Variants in TTN observed in about 807,000 individuals in gnomAD.
The protein encoded by TTN is titin.
In TTN, 1,525 loss-of-function variants were observed where a neutral mutation model predicts 3,223.0. The observed-to-expected ratio is 0.47, with a 90% confidence interval of 0.45 to 0.49. The LOEUF (loss-of-function observed/expected upper bound fraction) is 0.49, where lower values mean the gene tolerates loss of function less well. Ranked by LOEUF, TTN falls within the 20% of genes least tolerant of loss-of-function variation. The probability of loss-of-function intolerance (pLI) is 0.00; values close to 1 mark genes in which losing one functional copy is unlikely to be tolerated. For missense variants in TTN, 40,786 were observed against 43,424.0 expected (o/e 0.94, Z 5.40); for synonymous variants, 14,094 against 15,161.0 (o/e 0.93, Z 5.17).
chr2:178,670,385 C>T (rs977830744), intron 156 of TTN, 90 bp from the exon 157 acceptor site: 1 of 613,808 alleles, frequency 1.6e-6, no homozygotes, highest in African/African-American at 1.9e-5. Flanking sequence ...CAGAACAGAA[C>T]ACAGCAACAA....
At position 178,649,873 on chromosome 2, in the gene TTN, A is replaced by T; in HGVS notation, c.39839T>A (p.Ile13280Asn). Residue 13280 changes from isoleucine (I) to asparagine (N), a missense_variant, in exon 211 of 363, where the codon ATC (isoleucine) becomes AAC (asparagine). By Grantham distance (149) the Ile-to-Asn change is moderately radical (BLOSUM62 -3). Transcript: ENST00000589042. ...GACAGGAACTTTCTTCTCTGGGATGATCTTCTTGGGCTCTTCAGGCACTTG... is the reference window on the plus strand; with the variant it reads ...GACAGGAACTTTCTTCTCTGGGATGTTCTTCTTGGGCTCTTCAGGCACTTG... Reference protein sequence around the residue: ...PPAVPEEPKKIIPEKKVPVIK... With the variant: ...PPAVPEEPKKNIPEKKVPVIK... 6.2e-7 allele frequency: 1 copy of T among 1,612,362 alleles called. No homozygotes were observed. The highest frequency in any genetic ancestry group is 8.5e-7 in the Non-Finnish European group (1 of 1,179,388).
chr2:178,559,823 GCAC>G lies in TTN; in HGVS notation c.86306_86308del (p.Gly28769del). On this transcript the variant is annotated inframe_deletion, in exon 326 of 363. Transcript: ENST00000589042. ...GAAAGGCACAGTCATGGTAAATGAG[GCAC>G]CAGCCTTGACAATCAAGGTCTTCCT... 1 of 1,610,398 alleles carries G rather than the reference GCAC, an allele frequency of 6.2e-7. No homozygotes were observed. The highest frequency in any genetic ancestry group is 8.5e-7 in the Non-Finnish European group (1 of 1,179,538).
At chr2:178,749,128 A>G in intron 47 of TTN, 1 of 1,612,804 alleles carries the variant, frequency 6.2e-7, no homozygotes, top group South Asian at 1.1e-5. Context: ...AAATTCTCTC[A>G]GAGTGAATAT....
Position 178,550,290 on chromosome 2 carries a change from A to G in TTN, c.91565-17T>C, listed in dbSNP as rs1274742177. 1.3e-6 allele frequency: 2 copies of G among 1,592,358 alleles called. No individual in the cohort carries two copies. Among genetic ancestry groups the G allele is most frequent in the South Asian group, 2.3e-5 (2 of 88,628 alleles). ...TTGGTGGAACTATAAAAGAAAGAGA[A>G]ATACTATGTATTAGTTTGGCTTAAT... On this transcript the variant is annotated splice_polypyrimidine_tract_variant and intron_variant, in intron 336 of 362. Coordinates refer to ENST00000589042, the MANE Select transcript of TTN (RefSeq NM_001267550.2).
In TTN at chr2:178,533,290, G is replaced by A. The variant is rs745548644; in HGVS notation, c.103325C>T (p.Ala34442Val). The A allele has an allele frequency of 9.9e-6, 16 of 1,613,954 alleles. No homozygotes were observed. The South Asian group carries it at 1.8e-4, about 18-fold the overall frequency. The change falls in exon 358 of 363, where the codon GCT becomes GTT. Residue 34442 changes from alanine to valine, a missense_variant. Ala to Val is a moderately conservative substitution (Grantham distance 64). Transcript: ENST00000589042. ...GTGAGCCTGGCAGCTGGTGGACCCA[G>A]CTGTGTTAGTGGCTGTGACTCTATA... is the stretch of plus-strand genomic sequence containing the variant. ...GYYRVTATNT[A>V]GSTSCQAHLQ...
intron 47 of TTN, chr2:178,751,768 G>A: frequency 6.2e-7 from 1 of 1,613,118 alleles, no homozygotes; most frequent in Non-Finnish European, 8.5e-7. Flanking sequence ...GACCTGTTGG[G>A]ATGGGCCGAT....
chr2:178,583,511 C>T, intron 312 of TTN, 96 bp downstream of exon 312: 8 of 1,268,802 alleles, frequency 6.3e-6, no homozygotes, highest in South Asian at 1.9e-5. Flanking sequence ...TTTAATTTTC[C>T]TTTTTTCCTT....
chr2:178,591,458 C>CT lies in TTN; in HGVS notation c.60266_60267insA (p.Val20090GlyfsTer29). ...ATCTGACTGTGGTTCCAGCCTTTAC[C>CT]ACAAGACCTTCAATTAATTTCACAT... On this transcript the variant is annotated frameshift_variant, in exon 304 of 363. Transcript: ENST00000589042. LOFTEE classifies it high-confidence loss of function. The CT allele has an allele frequency of 6.3e-7, 1 of 1,590,308 alleles. No homozygotes were observed. The highest frequency in any genetic ancestry group is 8.5e-7 in the Non-Finnish European group (1 of 1,171,602).
chr2:178,799,417 G>C (rs1417744893), intron 6 of TTN, 70 bp downstream of exon 6: 1 of 1,610,248 alleles, frequency 6.2e-7, no homozygotes, highest in African/African-American at 1.3e-5. Context: ...AGGGGGACAA[G>C]GGAATCTTTC....
At position 178,528,742 on chromosome 2, in the gene TTN, C is replaced by G. The variant is rs534961012; in HGVS notation, c.107009G>C (p.Arg35670Thr). Reference protein sequence around the residue: ...QTLTIKQASHRDEGILTCISK... With the variant: ...QTLTIKQASHTDEGILTCISK... ...TATGCAGGTGAGGATTCCTTCATCT[C>G]TGTGACTGGCTTGCTTGATGGTTAG... is the stretch of plus-strand genomic sequence containing the variant. Residue 35670 changes from arginine (R) to threonine (T), a missense_variant, in exon 360 of 363, where the codon AGA becomes ACA. Arg to Thr is a moderately conservative substitution (Grantham distance 71). Coordinates refer to ENST00000589042, the MANE Select transcript of TTN (RefSeq NM_001267550.2). 54 of 1,613,252 alleles carry G rather than the reference C, an allele frequency of 3.3e-5. 2 individuals carry two copies. The African/African-American group carries it at 5.1e-4, about 15-fold the overall frequency.
chr2:178,695,162 A>G (rs2073408075), intron 115 of TTN, among the ~76,000 whole-genome samples, 186 bp downstream of exon 115: 1 of 151,752 alleles, frequency 6.6e-6, no homozygotes, highest in Non-Finnish European at 1.5e-5. Flanking sequence ...TACAATTTTT[A>G]TCATCTTTTG....
In TTN at chr2:178,530,449, A is replaced by G; in HGVS notation, c.106166T>C (p.Ile35389Thr). ...FKSIHEKVSK[I>T]SETKKSDQKT... ...CTGATCTGATTTCTTAGTTTCTGAT[A>G]TTTTTGATACCTTCTCATGGATACT... The change falls in exon 358 of 363, where the codon ATA becomes ACA. Residue 35389 changes from isoleucine (I) to threonine (T), a missense_variant. By Grantham distance (89) the Ile-to-Thr change is moderately conservative. Transcript: ENST00000589042. 1.9e-6 allele frequency: 3 copies of G among 1,613,964 alleles called. No homozygotes were observed. Among genetic ancestry groups the G allele is most frequent in the Non-Finnish European group, 2.5e-6 (3 of 1,179,872 alleles).
Position 178,713,191 on chromosome 2 carries a change from A to G in TTN, c.26943T>C (p.Cys8981=). The G allele has an allele frequency of 6.2e-7, 1 of 1,613,776 alleles. No individual in the cohort carries two copies. Among genetic ancestry groups the G allele is most frequent in the South Asian group, 1.1e-5 (1 of 91,072 alleles). ...CTTCCAGCATGTTCACAGTTAAAGC[A>G]CAAGTATTATCTGTCAGGGTGGTCT... ...KYQTTLTDNT[C]ALTVNMLEES... is the part of the protein sequence containing the mutation. The change falls in exon 93 of 363, where the codon TGT becomes TGC. Residue 8981 remains cysteine (C), a synonymous_variant. Transcript: ENST00000589042.
rs776393529 is a variant in TTN, at chr2:178,533,689, A to G, written c.102926T>C (p.Phe34309Ser). ...TTGGTAAAGACCCTTGTCTGACTCA[A>G]ATGTGTACTTCTTGTCATTGTCACC... Reference protein sequence around the residue: ...KPGDNDKKYTFESDKGLYQLT... With the variant: ...KPGDNDKKYTSESDKGLYQLT... Residue 34309 changes from phenylalanine (F) to serine (S), a missense_variant, in exon 358 of 363, where the codon TTT becomes TCT. Physicochemically the swap from Phe to Ser is radical, Grantham distance 155. Transcript: ENST00000589042. 5 of 1,613,758 alleles carry G rather than the reference A, an allele frequency of 3.1e-6. No individual in the cohort carries two copies. In the African/African-American group the frequency reaches 6.7e-5, roughly 22 times the overall value.
chr2:178,664,346 T>C, intron 168 of TTN, 114 bp downstream of exon 168: 2 of 892,800 alleles, frequency 2.2e-6, no homozygotes, highest in Non-Finnish European at 1.8e-6. Context: ...GTTGCAAGAG[T>C]CAACACAGAC....
rs66733621 is a variant in TTN at position 178,799,323 on chromosome 2, A to G, written c.914+164T>C. 0.24 allele frequency: 260,622 copies of G among 1,082,920 alleles called. 36,777 individuals carry two copies. Among genetic ancestry groups the G allele is most frequent in the Non-Finnish European group, 0.29 (216,832 of 754,726 alleles). The allele number at this position is 1,082,920 out of a possible 1,614,324, so 67.1% of individuals were successfully genotyped here. A position where few individuals can be genotyped will look rare whatever the true frequency, so the allele number is the denominator to read the frequency against. ...GTCCAGAGGAACACGGAGCCCCACA[A>G]CCTGCCCGTTTGTATGCTCCCCTAG... On this transcript the variant is annotated intron_variant, in intron 6 of 362. Transcript: ENST00000589042.
At position 178,681,399 on chromosome 2, in the gene TTN, T is replaced by G. The variant is rs879147953; in HGVS notation, c.33224A>C (p.Lys11075Thr). 1.9e-6 allele frequency: 3 copies of G among 1,612,440 alleles called. No homozygotes were observed. The highest frequency in any genetic ancestry group is 2.5e-6 in the Non-Finnish European group (3 of 1,179,078). The part of the protein sequence containing the change: ...EEKVPVPIPK[K>T]LKPPPPKVPE... ...ACCTTTGGGTGGTGGAGGTTTGAGTTTCTTAGGAATGGGCACTGGTACTTT... is the reference window on the plus strand; with the variant it reads ...ACCTTTGGGTGGTGGAGGTTTGAGTGTCTTAGGAATGGGCACTGGTACTTT... Residue 11075 changes from lysine to threonine, a missense_variant, in exon 137 of 363, where the codon AAA becomes ACA. Coordinates refer to ENST00000589042, the MANE Select transcript of TTN (RefSeq NM_001267550.2).
rs1176986627 is a variant in TTN, at chr2:178,645,031, C to CT, written c.40409-416dup. ...GGGCAAGAATCACCAGCAGCAATGTCTTATGCTGGAAGACTGTGGTTTGAA... is the reference window on the plus strand; with the variant it reads ...GGGCAAGAATCACCAGCAGCAATGTCTTTATGCTGGAAGACTGTGGTTTGAA... On this transcript the variant is annotated intron_variant, in intron 217 of 362. Transcript: ENST00000589042. 25 of 167,230 alleles carry CT rather than the reference C, an allele frequency of 1.5e-4. 1 individual carries two copies. In the South Asian group the frequency reaches 3.1e-3, roughly 21 times the overall value. The allele number at this position is 167,230 out of a possible 1,614,324, so 10.4% of individuals were successfully genotyped here.
chr2:178,776,443 A>G lies in TTN; in HGVS notation c.5421T>C (p.Pro1807=), dbSNP rs779689706. The G allele has an allele frequency of 1.9e-6, 3 of 1,609,246 alleles. No homozygotes were observed. Among genetic ancestry groups the G allele is most frequent in the Non-Finnish European group, 2.5e-6 (3 of 1,179,960 alleles). Residue 1807 remains proline (P), a synonymous_variant, in exon 28 of 363, where the codon CCT becomes CCC. Transcript: ENST00000589042. ...TTCTCTGTAAGCCTTTCCTCCCCTC[A>G]GGCAATTGGGATTCTTCCACAAGAC... is the stretch of plus-strand genomic sequence containing the variant. The part of the protein sequence containing the change: ...EKSLVEESQL[P]EGRKGLQRIE...
Sources: gnomAD v4.1 joint callset for allele counts (sites outside exome capture counted in the v4.1 genomes callset) on GRCh38, gnomAD v4.1.1 for gene constraint, MANE v1.5 for transcripts, NCBI Gene and HGNC (gene_info 2026-07-23, HGNC 2026-07-21) for gene names.